MBTD1: variants seen among roughly 807,000 people sequenced by gnomAD.
MBTD1 encodes the protein mbt domain containing 1.
MBTD1 carries 24 observed loss-of-function variants against 87.8 expected under a neutral mutation model. That is an observed-to-expected ratio of 0.27 (90% CI 0.20 to 0.38). The LOEUF is 0.38. MBTD1 is among the 10% of genes least tolerant of loss of function. The pLI, the probability that MBTD1 is intolerant of heterozygous loss-of-function variation, is 1.00. For missense variants in MBTD1, 436 were observed against 760.2 expected, an observed-to-expected ratio of 0.57 and a Z score of 5.02; for synonymous variants, 237 against 248.6, an observed-to-expected ratio of 0.95 and a Z score of 0.44.
Position 51,195,298 on chromosome 17 carries a change from A to G in MBTD1, c.1288T>C (p.Trp430Arg). Residue 430 changes from tryptophan to arginine, a missense_variant, in exon 13 of 17, where the codon TGG (tryptophan) becomes CGG (arginine). This residue lies in a region of MBTD1 where 268 missense variants were observed against 401.8 expected (regional missense o/e 0.67). Coordinates refer to ENST00000586178, the MANE Select transcript of MBTD1 (RefSeq NM_017643.3). ...GGAGAGGTTGCATGGTAACAGAACC[A>G]GTCAGATCCGTCTGCTGCTTCTGAG... is the stretch of plus-strand genomic sequence containing the variant. ...DGSEAADGSD[W>R]FCYHATSPSI... 1 of 1,613,328 alleles carries G rather than the reference A, an allele frequency of 6.2e-7. No individual in the cohort carries two copies. Among genetic ancestry groups the G allele is most frequent in the Non-Finnish European group, 8.5e-7 (1 of 1,179,578 alleles).
At chr17:51,256,314 C>A (rs1444794071) in intron 2 of MBTD1, 1 of 152,046 alleles carries the variant, frequency 6.6e-6, no homozygotes, top group Non-Finnish European at 1.5e-5. Context: ...CACCTAAGAT[C>A]GCAGTTCAGA....
intron 2 of MBTD1, among the ~76,000 whole-genome samples, chr17:51,228,429 T>C (rs1304593926): frequency 1.3e-5 from 2 of 150,948 alleles, no homozygotes; most frequent in Non-Finnish European, 1.5e-5. Flanking sequence ...AAAGAAGTTA[T>C]ATCATCTTTA....
At chr17:51,253,496 A>C (rs2054914404) in intron 2 of MBTD1, among the ~76,000 whole-genome samples, 1 of 152,154 alleles carries the variant, frequency 6.6e-6, no homozygotes, top group African/African-American at 2.4e-5. Context: ...TAGTATAATA[A>C]AATATATCAC....
intron 6 of MBTD1, 88 bp from the exon 7 acceptor site, chr17:51,207,093 G>T: frequency 4.8e-6 from 3 of 620,640 alleles, no homozygotes; most frequent in South Asian, 2.6e-5. Context: ...ATCAATAATA[G>T]GAATATTAAA....
At position 51,201,607 on chromosome 17, in the gene MBTD1, G is replaced by A. The variant is rs1240416607; in HGVS notation, c.1209C>T (p.Val403=). 14 of 1,601,364 alleles carry A rather than the reference G, an allele frequency of 8.7e-6. No homozygotes were observed. Among genetic ancestry groups the A allele is most frequent in the African/African-American group, 4.0e-5 (3 of 74,440 alleles). ...IDPLNLSTIC[V]ATIRKVLADG... is the part of the protein sequence containing the mutation. ...ATTATCTTACCTTTCTAATGGTTGC[G>A]ACACATATTGTAGAAAGATTTAATG... The change falls in exon 12 of 17, where the codon GTC becomes GTT. Residue 403 remains valine, a synonymous_variant. Coordinates refer to ENST00000586178, the MANE Select transcript of MBTD1 (RefSeq NM_017643.3).
Position 51,203,804 on chromosome 17 carries a change from A to C in MBTD1, c.726T>G (p.Leu242=). The C allele has an allele frequency of 6.2e-7, 1 of 1,611,254 alleles. No homozygotes were observed. The highest frequency in any genetic ancestry group is 1.1e-5 in the South Asian group (1 of 90,644). ...VGWCAASGKP[L]VPPRTIQHKY... ...TAAACTACTTACTTCTAGGAGGAACAAGAGGTTTTCCGCTGGCTGCACACC... is the reference window on the plus strand; with the variant it reads ...TAAACTACTTACTTCTAGGAGGAACCAGAGGTTTTCCGCTGGCTGCACACC... The change falls in exon 8 of 17, where the codon CTT becomes CTG. Residue 242 remains leucine (L), a synonymous_variant. Transcript: ENST00000586178.
chr17:51,196,444 G>A (rs1352346497), intron 12 of MBTD1, among the ~76,000 whole-genome samples: 1 of 151,566 alleles, frequency 6.6e-6, no homozygotes, highest in Non-Finnish European at 1.5e-5. Context: ...GGCTGGTCTC[G>A]AACTCCTGAC....
chr17:51,215,117 G>A (rs1333776303), intron 6 of MBTD1, among the ~76,000 whole-genome samples: 2 of 152,214 alleles, frequency 1.3e-5, no homozygotes, highest in African/African-American at 2.4e-5. Flanking sequence ...AGGCAGTAAA[G>A]AGAGGTAAAT....
intron 2 of MBTD1, 150 bp from the exon 3 acceptor site, chr17:51,225,359 TA>T: frequency 1.2e-5 from 5 of 411,074 alleles, no homozygotes; most frequent in Non-Finnish European, 1.6e-5. Context: ...TTTCTTTTTT[TA>T]AAAAATGCTT....
rs145254803 is a variant in MBTD1, at chr17:51,258,590, G to A, written c.-49+553C>T. Among the ~76,000 whole-genome samples, 1,023 of 151,812 alleles carry A rather than the reference G, an allele frequency of 6.7e-3. 7 individuals carry two copies. The highest frequency in any genetic ancestry group is 0.011 in the Non-Finnish European group (776 of 68,016). ...CTTCCGAGGAACACAGGTCAAATACGGGTGTGGGCGGTAATCATCTAATCA... is the reference window on the plus strand; with the variant it reads ...CTTCCGAGGAACACAGGTCAAATACAGGTGTGGGCGGTAATCATCTAATCA... On this transcript the variant is annotated intron_variant, in intron 2 of 16. Coordinates refer to ENST00000586178, the MANE Select transcript of MBTD1 (RefSeq NM_017643.3).
intron 2 of MBTD1, among the ~76,000 whole-genome samples, chr17:51,244,266 C>T (rs1412062416): frequency 2.0e-5 from 3 of 152,126 alleles, no homozygotes; most frequent in Admixed American, 6.5e-5. Flanking sequence ...CTGTCATAAC[C>T]CCCTTTTATT....
chr17:51,259,063 A>G (rs1450203093), intron 2 of MBTD1, 80 bp downstream of exon 2: 10 of 399,770 alleles, frequency 2.5e-5, no homozygotes, highest in Non-Finnish European at 4.4e-5. Context: ...AACAATTAGA[A>G]CTACTGAAAT....
At chr17:51,205,927 A>G (rs1040248430) in intron 7 of MBTD1, among the ~76,000 whole-genome samples, 1 of 152,184 alleles carries the variant, frequency 6.6e-6, no homozygotes, top group Admixed American at 6.5e-5. Context: ...GGAGTTAAAA[A>G]TCTGTCACAG....
chr17:51,240,524 T>C (rs2144013313), intron 2 of MBTD1, among the ~76,000 whole-genome samples: 1 of 152,296 alleles, frequency 6.6e-6, no homozygotes, highest in Middle Eastern at 3.4e-3. Flanking sequence ...GTTTCTTCAT[T>C]ATCAGGCTGG....
chr17:51,204,144 C>T (rs530234739), intron 7 of MBTD1, among the ~76,000 whole-genome samples: 29 of 152,320 alleles, frequency 1.9e-4, no homozygotes, highest in African/African-American at 6.7e-4. Context: ...TCAGGTGATG[C>T]TGTTGCTGCT....
chr17:51,207,671 T>TCC (rs2051927954), intron 6 of MBTD1, among the ~76,000 whole-genome samples: 1 of 152,130 alleles, frequency 6.6e-6, no homozygotes, highest in Admixed American at 6.6e-5. Context: ...ATCACTAGCC[T>TCC]CCCACAGCAA....
At chr17:51,204,193 C>A (rs892897935) in intron 7 of MBTD1, among the ~76,000 whole-genome samples, 1 of 152,116 alleles carries the variant, frequency 6.6e-6, no homozygotes, top group East Asian at 1.9e-4. Flanking sequence ...CTGTTCAGTG[C>A]AAACAGTTCA....
At chr17:51,186,632 G>GCT (rs2050548385) in intron 16 of MBTD1, among the ~76,000 whole-genome samples, 1 of 152,070 alleles carries the variant, frequency 6.6e-6, no homozygotes, top group Non-Finnish European at 1.5e-5. Context: ...AAAATAGCTG[G>GCT]GCATGGTGGC....
At chr17:51,195,792 C>G (rs2051065808) in intron 12 of MBTD1, among the ~76,000 whole-genome samples, 1 of 152,204 alleles carries the variant, frequency 6.6e-6, no homozygotes, top group East Asian at 1.9e-4. Context: ...CAAGCTCCAA[C>G]TTGATCTCTT....
Sources: allele counts gnomAD v4.1 joint callset (sites outside exome capture counted in the v4.1 genomes callset), GRCh38; gene constraint gnomAD v4.1.1; regional missense constraint gnomAD v4.1.1; transcripts MANE v1.5; gene names NCBI Gene and HGNC (gene_info 2026-07-23, HGNC 2026-07-21).